The following LVRN variants were observed in gnomAD, a reference collection of about 807,000 sequenced individuals.
LVRN encodes laeverin, also known as aminopeptidase Q.
A neutral mutation model predicts 111.4 loss-of-function variants in LVRN; 99 were observed. The observed-to-expected ratio is 0.89, with a 90% CI of 0.76 to 1.05. LVRN has a LOEUF of 1.05. Ranked by LOEUF, LVRN falls within the 50% of genes least tolerant of loss-of-function variation. The probability of loss-of-function intolerance (pLI) is 0.00; values close to 1 mark genes in which losing one functional copy is unlikely to be tolerated. For synonymous variants in LVRN, 488 were observed against 449.5 expected, an observed-to-expected ratio of 1.09 and a Z score of -1.08; for missense variants, 1,414 against 1,206.8, an observed-to-expected ratio of 1.17 and a Z score of -2.54.
intron 3 of LVRN, among the ~76,000 whole-genome samples, chr5:115,986,460 G>T (rs1392215501): frequency 6.6e-6 from 1 of 152,128 alleles, no homozygotes; most frequent in Non-Finnish European, 1.5e-5. Flanking sequence ...CCCCGAAAAG[G>T]ATGCCAGCTG....
At chr5:116,017,131 C>T (rs1748618325) in intron 18 of LVRN, among the ~76,000 whole-genome samples, 2 of 152,122 alleles carry the variant, frequency 1.3e-5, no homozygotes, top group Non-Finnish European at 2.9e-5. Flanking sequence ...TTGCAAATCT[C>T]CTCCTTCTAC....
chr5:116,026,250 T>A lies in LVRN; in HGVS notation c.*132T>A. On this transcript the variant is annotated 3_prime_UTR_variant, in exon 20 of 20. Transcript: ENST00000357872. ...TTTCAGTCACATTTATTACTCAGAGTGCCATTCTTCTCATATTGTCATGTT... is the reference window on the plus strand; with the variant it reads ...TTTCAGTCACATTTATTACTCAGAGAGCCATTCTTCTCATATTGTCATGTT... The A allele has an allele frequency of 7.4e-7, 1 of 1,343,902 alleles. No homozygotes were observed. Among genetic ancestry groups the A allele is most frequent in the Non-Finnish European group, 1.0e-6 (1 of 983,086 alleles). The allele number at this position is 1,343,902 out of a possible 1,614,324, so 83.2% of individuals were successfully genotyped here. A position where few individuals can be genotyped will look rare whatever the true frequency, so the allele number is the denominator to read the frequency against.
intron 1 of LVRN, among the ~76,000 whole-genome samples, chr5:115,969,139 C>T (rs531545301): frequency 5.9e-4 from 90 of 152,252 alleles, no homozygotes; most frequent in African/African-American, 2.1e-3. Flanking sequence ...CAGGAGGAAG[C>T]GTCTTAGTTC....
rs1309381225 is a variant in LVRN at position 116,003,485 on chromosome 5, G to T, written c.2037+105G>T. On this transcript the variant is annotated intron_variant, in intron 12 of 19. Coordinates refer to ENST00000357872, the MANE Select transcript of LVRN (RefSeq NM_173800.5). ...GGGAAGAGATTCCACCTTCATTCCC[G>T]CCCCTCACCTCCAGGCATGCAAAAG... 5.9e-6 allele frequency: 4 copies of T among 681,852 alleles called. No individual in the cohort carries two copies. In the East Asian group the frequency reaches 1.0e-4, roughly 18 times the overall value. The allele number at this position is 681,852 out of a possible 1,614,324, so 42.2% of individuals were successfully genotyped here.
Position 116,010,743 on chromosome 5 carries a change from A to C in LVRN, c.2096A>C (p.Asn699Thr). ...GTGTGTGTTTTTAAATCAAACAGAA[A>C]CAATTATATTGAGATTGAAACAGCA... is the stretch of plus-strand genomic sequence containing the variant. The part of the protein sequence containing the change: ...LIDDAFSLSK[N>T]NYIEIETALE... The change falls in exon 14 of 20, where the codon AAC becomes ACC. Residue 699 changes from asparagine to threonine, a missense_variant and splice_region_variant. Physicochemically the swap from Asn to Thr is moderately conservative, Grantham distance 65 (BLOSUM62 0). Coordinates refer to ENST00000357872, the MANE Select transcript of LVRN (RefSeq NM_173800.5). The C allele has an allele frequency of 1.3e-6, 2 of 1,585,460 alleles. No individual in the cohort carries two copies. Among genetic ancestry groups the C allele is most frequent in the South Asian group, 2.3e-5 (2 of 86,916 alleles).
Position 116,001,124 on chromosome 5 carries a change from A to G in LVRN, c.1705A>G (p.Ser569Gly), listed in dbSNP as rs1748228731. ...AGCAACAATAAAAAACATAATGGAC[A>G]GTTGGACACACCAGAGTGGTTTTCC... ...LPATIKNIMD[S>G]WTHQSGFPVI... The change falls in exon 10 of 20, where the codon AGT becomes GGT. Residue 569 changes from serine to glycine, a missense_variant. Physicochemically the swap from Ser to Gly is moderately conservative, Grantham distance 56. Transcript: ENST00000357872. 1.9e-6 allele frequency: 3 copies of G among 1,613,490 alleles called. No individual in the cohort carries two copies. The highest frequency in any genetic ancestry group is 2.5e-6 in the Non-Finnish European group (3 of 1,179,914).
In LVRN at chr5:115,984,695, G is replaced by C. The variant is rs1319168831; in HGVS notation, c.964G>C (p.Glu322Gln). The part of the protein sequence containing the change: ...ICDYDHVNRT[E>Q]RGKEIRIWAR... ...TGACTATGACCACGTCAACAGAACA[G>C]AAAGGGGCAAGGAGGTGAGTGAGGA... The change falls in exon 3 of 20, where the codon GAA becomes CAA. Residue 322 changes from glutamate (E) to glutamine (Q), a missense_variant. By Grantham distance (29) the Glu-to-Gln change is conservative. Coordinates refer to ENST00000357872, the MANE Select transcript of LVRN (RefSeq NM_173800.5). The C allele has an allele frequency of 1.3e-5, 21 of 1,613,462 alleles. No individual in the cohort carries two copies. Among genetic ancestry groups the C allele is most frequent in the Non-Finnish European group, 1.8e-5 (21 of 1,179,716 alleles).
At chr5:115,990,102 G>T (rs1429488227) in intron 4 of LVRN, among the ~76,000 whole-genome samples, 1 of 152,120 alleles carries the variant, frequency 6.6e-6, no homozygotes, top group Non-Finnish European at 1.5e-5. Flanking sequence ...TATATGAACT[G>T]TGTTCATGTA....
At chr5:116,003,133 A>T (rs944535981) in intron 11 of LVRN, 108 bp from the exon 12 acceptor site, 5 of 1,113,216 alleles carry the variant, frequency 4.5e-6, no homozygotes, top group Non-Finnish European at 5.1e-6. Context: ...AATTCCTTTA[A>T]TTTTTTGTTT....
chr5:115,984,448 C>G, intron 2 of LVRN, 122 bp from the exon 3 acceptor site: 4 of 1,223,218 alleles, frequency 3.3e-6, no homozygotes, highest in Non-Finnish European at 4.5e-6. Flanking sequence ...GAAATCTGAA[C>G]TGCTAGACTA....
intron 6 of LVRN, among the ~76,000 whole-genome samples, chr5:115,994,863 T>C (rs755567687): frequency 1.5e-4 from 23 of 152,216 alleles, no homozygotes; most frequent in Non-Finnish European, 2.4e-4. Flanking sequence ...TATCTTTTGA[T>C]ATAAACCTTA....
intron 1 of LVRN, among the ~76,000 whole-genome samples, chr5:115,977,350 C>A (rs1288565091): frequency 6.6e-6 from 1 of 152,138 alleles, no homozygotes; most frequent in Non-Finnish European, 1.5e-5. Flanking sequence ...TGCTTCGAGG[C>A]AGAAAAACAG....
chr5:115,993,200 G>GTTA (rs1554075162), intron 5 of LVRN, among the ~76,000 whole-genome samples: 2 of 148,702 alleles, frequency 1.3e-5, no homozygotes, highest in Non-Finnish European at 3.0e-5. Context: ...ATTTGACACT[G>GTTA]TTTTTTTTTT....
At chr5:116,006,251 T>G (rs1214068948) in intron 13 of LVRN, among the ~76,000 whole-genome samples, 1 of 152,226 alleles carries the variant, frequency 6.6e-6, no homozygotes, top group Non-Finnish European at 1.5e-5. Flanking sequence ...AATTATTTAT[T>G]TTATTTATAT....
intron 4 of LVRN, among the ~76,000 whole-genome samples, 194 bp downstream of exon 4, chr5:115,988,133 G>A (rs1246761647): frequency 1.3e-5 from 2 of 152,134 alleles, no homozygotes; most frequent in Non-Finnish European, 2.9e-5. Flanking sequence ...TCTGTACAGA[G>A]CCATGTGCTC....
intron 15 of LVRN, 143 bp downstream of exon 15, chr5:116,012,611 G>A (rs1748515341): frequency 3.6e-6 from 2 of 549,216 alleles, no homozygotes; most frequent in African/African-American, 2.0e-5. Context: ...TAGCTCAGAG[G>A]TTGGTGGGCT....
chr5:115,968,437 CTTT>C (rs5870675), intron 1 of LVRN, among the ~76,000 whole-genome samples: 1,767 of 131,532 alleles, frequency 0.013, 34 homozygotes, highest in African/African-American at 0.041. Flanking sequence ...GTTCCCCACC[CTTT>C]TTTTTTTTTT....
At chr5:116,006,324 G>T (rs968331590) in intron 13 of LVRN, among the ~76,000 whole-genome samples, 8 of 151,654 alleles carry the variant, frequency 5.3e-5, no homozygotes, top group African/African-American at 1.9e-4. Context: ...TAAATGTTCA[G>T]AATTTAAATT....
intron 18 of LVRN, among the ~76,000 whole-genome samples, chr5:116,020,868 T>C (rs1167404969): frequency 1.3e-5 from 2 of 152,232 alleles, no homozygotes; most frequent in Non-Finnish European, 2.9e-5. Context: ...ACACTAACGT[T>C]AGATGTTATC....
Sources: allele counts gnomAD v4.1 joint callset (sites outside exome capture counted in the v4.1 genomes callset), GRCh38; gene constraint gnomAD v4.1.1; transcripts MANE v1.5; gene names NCBI Gene and HGNC (gene_info 2026-07-23, HGNC 2026-07-21).